RND3: variants seen among roughly 807,000 people sequenced by gnomAD.
RND3 encodes the protein Rho family GTPase 3, also known as rho-related GTP-binding protein RhoE.
RND3 carries 8 observed loss-of-function variants against 26.5 expected under a neutral mutation model. That is an observed-to-expected ratio of 0.30 (90% CI 0.18 to 0.54). RND3 has a LOEUF of 0.54. Ranked by LOEUF, RND3 falls within the 20% of genes least tolerant of loss-of-function variation. The pLI is 0.94. For synonymous variants in RND3, 113 were observed against 113.0 expected (o/e 1.00, Z 0.00); for missense variants, 207 against 302.8 (o/e 0.68, Z 2.35).
intron 3 of RND3, among the ~76,000 whole-genome samples, chr2:150,483,135 A>C (rs895398312): frequency 6.6e-6 from 1 of 152,230 alleles, no homozygotes; most frequent in African/African-American, 2.4e-5. Context: ...GAGACTTCAC[A>C]TATCCTACTT....
intron 3 of RND3, among the ~76,000 whole-genome samples, chr2:150,479,191 A>G (rs1257759505): frequency 1.3e-5 from 2 of 152,196 alleles, no homozygotes; most frequent in African/African-American, 4.8e-5. Context: ...ATTCAAGATC[A>G]TTAATTCTGG....
At position 150,478,334 on chromosome 2, in the gene RND3, G is replaced by T. The variant is rs1686206711; in HGVS notation, c.239-3350C>A. ...CATAAAGCCCAAGAGACTGCACAAAGGAAGTAAGGCAAGCAAAGCTGGAGA... is the reference window on the plus strand; with the variant it reads ...CATAAAGCCCAAGAGACTGCACAAATGAAGTAAGGCAAGCAAAGCTGGAGA... On this transcript the variant is annotated intron_variant, in intron 3 of 5. Coordinates refer to ENST00000263895, the MANE Select transcript of RND3 (RefSeq NM_005168.5). Among the ~76,000 whole-genome samples the T allele has an allele frequency of 1.2e-4, 18 of 151,978 alleles. 1 individual carries two copies. Among genetic ancestry groups the T allele is most frequent in the Admixed American group, 1.2e-3 (18 of 15,268 alleles).
At position 150,487,474 on chromosome 2, in the gene RND3, AATATATAT is replaced by A. The variant is rs1209384148; in HGVS notation, c.-38-27_-38-20del. On this transcript the variant is annotated intron_variant, in intron 1 of 5. Coordinates refer to ENST00000263895, the MANE Select transcript of RND3 (RefSeq NM_005168.5). ...ATTTTCTCTTAAGAAGAAAAAAAAA[AATATATAT>A]ATATATATATATTTCTCTCTTTATA... 7 of 200,814 alleles carry A rather than the reference AATATATAT, an allele frequency of 3.5e-5. No individual in the cohort carries two copies. The highest frequency in any genetic ancestry group is 1.9e-4 in the African/African-American group (7 of 36,618). 12.4% of individuals were successfully genotyped at this position (200,814 alleles called of 1,614,324 possible). A position where few individuals can be genotyped will look rare whatever the true frequency, so the allele number is the denominator to read the frequency against.
Position 150,484,335 on chromosome 2 carries a change from G to T in RND3, c.238+2359C>A, listed in dbSNP as rs533496072. ...CCAACTACAAACTGCCCACATTTTG[G>T]TTTATGTTCTAGCCTTTATCAAACA... On this transcript the variant is annotated intron_variant, in intron 3 of 5. Coordinates refer to ENST00000263895, the MANE Select transcript of RND3 (RefSeq NM_005168.5). Among the ~76,000 whole-genome samples, 335 of 152,250 alleles carry T rather than the reference G, an allele frequency of 2.2e-3. 1 individual carries two copies. Among genetic ancestry groups the T allele is most frequent in the African/African-American group, 7.7e-3 (322 of 41,550 alleles).
At chr2:150,487,154 T>C (rs1250368107) in intron 2 of RND3, 114 bp downstream of exon 2, 1 of 793,154 alleles carries the variant, frequency 1.3e-6, no homozygotes, top group South Asian at 2.7e-5. Context: ...AAAGACTTTT[T>C]TTTTTCTTTT....
rs1686378198 is a variant in RND3 at position 150,486,726 on chromosome 2, T to G, written c.206A>C (p.Gln69Pro). ...GTCCCACAGGCTCAACTCTATTCTT[T>G]GTGTGTCGATTTCAAAACTGGCCGT... ...NYTASFEIDTQRIELSLWDTS... is the reference protein window; with the variant it reads ...NYTASFEIDTPRIELSLWDTS... The change falls in exon 3 of 6, where the codon CAA becomes CCA. Residue 69 changes from glutamine to proline, a missense_variant. Physicochemically the swap from Gln to Pro is moderately conservative, Grantham distance 76 (BLOSUM62 -1). Transcript: ENST00000263895. This position sits in a 1 kb window ranked among gnomAD's most constrained non-coding sequence, Gnocchi z 4.5. 6.2e-7 allele frequency: 1 copy of G among 1,613,858 alleles called. No homozygotes were observed. The highest frequency in any genetic ancestry group is 1.7e-5 in the Admixed American group (1 of 60,038).
intron 3 of RND3, among the ~76,000 whole-genome samples, chr2:150,484,720 A>G (rs1686329793): frequency 6.6e-6 from 1 of 152,210 alleles, no homozygotes; most frequent in Non-Finnish European, 1.5e-5. Context: ...CACATCATCT[A>G]GCTCAGTGTC....
At position 150,468,481 on chromosome 2, in the gene RND3, C is replaced by T. The variant is rs567854014; in HGVS notation, c.*1506G>A. 2.6e-5 allele frequency: 4 copies of T among 152,524 alleles called. No individual in the cohort carries two copies. The highest frequency in any genetic ancestry group is 4.8e-5 in the African/African-American group (2 of 41,424). 9.4% of individuals were successfully genotyped at this position (152,524 alleles called of 1,614,324 possible). A position where few individuals can be genotyped will look rare whatever the true frequency, so the allele number is the denominator to read the frequency against. Reference sequence around the variant, plus strand: ...GTATTTTATGGGAAATGACTGGAATCGAATTTTCTTGCAGAGACAAGACAA... The same window carrying T: ...GTATTTTATGGGAAATGACTGGAATTGAATTTTCTTGCAGAGACAAGACAA... On this transcript the variant is annotated 3_prime_UTR_variant, in exon 6 of 6. Transcript: ENST00000263895.
chr2:150,479,583 C>T (rs1438203974), intron 3 of RND3, among the ~76,000 whole-genome samples: 3 of 152,162 alleles, frequency 2.0e-5, no homozygotes, highest in Non-Finnish European at 4.4e-5. Context: ...AGTAGATTAA[C>T]TTTTGGTATA....
intron 3 of RND3, among the ~76,000 whole-genome samples, chr2:150,481,645 G>A (rs1686272263): frequency 6.6e-6 from 1 of 151,954 alleles, no homozygotes; most frequent in African/African-American, 2.4e-5. Flanking sequence ...TATGCACACA[G>A]AAAGCACTAA....
intron 3 of RND3, among the ~76,000 whole-genome samples, chr2:150,485,819 C>T (rs561095082): frequency 6.6e-6 from 1 of 152,106 alleles, no homozygotes; most frequent in East Asian, 1.9e-4. Context: ...CCACCGCGCG[C>T]CAGGTAGGTG....
chr2:150,479,321 T>G (rs892851464), intron 3 of RND3, among the ~76,000 whole-genome samples: 2 of 152,128 alleles, frequency 1.3e-5, no homozygotes, highest in African/African-American at 4.8e-5. Context: ...ACACCATATA[T>G]GTACATAATT....
chr2:150,475,566 T>G (rs1442808742), intron 3 of RND3, among the ~76,000 whole-genome samples: 1 of 152,106 alleles, frequency 6.6e-6, no homozygotes, highest in Non-Finnish European at 1.5e-5. Context: ...TCAAGATCAA[T>G]TCTGACAGCA....
At chr2:150,479,956 A>G (rs1686242103) in intron 3 of RND3, among the ~76,000 whole-genome samples, 1 of 152,222 alleles carries the variant, frequency 6.6e-6, no homozygotes, top group South Asian at 2.1e-4. Flanking sequence ...AAAATGGAAT[A>G]AAGATTTTCT....
chr2:150,476,746 C>T (rs997701929), intron 3 of RND3, among the ~76,000 whole-genome samples: 2 of 152,174 alleles, frequency 1.3e-5, no homozygotes, highest in African/African-American at 4.8e-5. Context: ...AAATGACAAG[C>T]TGTGGCTGCC....
At chr2:150,481,423 C>T (rs1686267596) in intron 3 of RND3, among the ~76,000 whole-genome samples, 1 of 152,220 alleles carries the variant, frequency 6.6e-6, no homozygotes. Flanking sequence ...TCTCAGTCTA[C>T]TGGCATCTCC....
intron 3 of RND3, among the ~76,000 whole-genome samples, chr2:150,480,917 CATTACTACCTGATGAAATGCTTGGT>C (rs1686259142): frequency 2.0e-5 from 3 of 152,300 alleles, no homozygotes; most frequent in Non-Finnish European, 4.4e-5. Context: ...TCCAATGGAT[CATTACTACCTGATGAAATGCTTGGT>C]TTCCTGCAAT....
Position 150,486,664 on chromosome 2 carries a change from C to T in RND3, c.238+30G>A. The stretch of plus-strand genomic sequence containing the variant: ...ATCCCCCAGCGACTGGAAACCCGCC[C>T]CAAGCGCCACGCGGTCCTCCCACTC... On this transcript the variant is annotated intron_variant, in intron 3 of 5. Transcript: ENST00000263895. This position sits in a 1 kb window ranked among gnomAD's most constrained non-coding sequence, Gnocchi z 4.5. 1 of 1,518,598 alleles carries T rather than the reference C, an allele frequency of 6.6e-7. No individual in the cohort carries two copies. Among genetic ancestry groups the T allele is most frequent in the Non-Finnish European group, 9.2e-7 (1 of 1,092,890 alleles). 94.1% of individuals were successfully genotyped at this position (1,518,598 alleles called of 1,614,324 possible).
At chr2:150,481,664 T>C (rs958267785) in intron 3 of RND3, among the ~76,000 whole-genome samples, 1 of 152,096 alleles carries the variant, frequency 6.6e-6, no homozygotes, top group Non-Finnish European at 1.5e-5. Context: ...AAACCATGTT[T>C]ACTGGTTTTA....
Sources: allele counts gnomAD v4.1 joint callset (sites outside exome capture counted in the v4.1 genomes callset), GRCh38; gene constraint gnomAD v4.1.1; non-coding constraint Gnocchi (gnomAD v3.1); transcripts MANE v1.5; gene names NCBI Gene and HGNC (gene_info 2026-07-23, HGNC 2026-07-21).